Variants in NPHP4 observed in about 807,000 individuals in gnomAD.
NPHP4 encodes the protein nephrocystin-4.
In NPHP4, 151 loss-of-function variants were observed where a neutral mutation model predicts 155.8. The ratio of observed to expected loss-of-function variants is 0.97; its 90% confidence interval spans 0.85 to 1.11. NPHP4 has a LOEUF of 1.11. NPHP4 is among the 50% of genes least tolerant of loss of function. NPHP4 has a pLI of 0.00. For missense variants in NPHP4, 1,956 were observed against 1,925.7 expected (o/e 1.02, Z -0.29); for synonymous variants, 845 against 816.8 (o/e 1.03, Z -0.59).
At chr1:5,962,056 G>T in intron 5 of NPHP4, 107 bp from the exon 6 acceptor site, 3 of 817,076 alleles carry the variant, frequency 3.7e-6, no homozygotes, top group Non-Finnish European at 5.8e-6. Flanking sequence ...AACAGGAAAA[G>T]GACTTTTCTA....
At chr1:5,940,205 G>C (rs924714810) in intron 9 of NPHP4, among the ~76,000 whole-genome samples, 2 of 152,196 alleles carry the variant, frequency 1.3e-5, no homozygotes, top group Non-Finnish European at 2.9e-5. Context: ...TGAGGGTGGA[G>C]TGAATGGATG....
chr1:5,974,544 C>A (rs184235156), intron 3 of NPHP4, among the ~76,000 whole-genome samples: 1 of 152,102 alleles, frequency 6.6e-6, no homozygotes, highest in Admixed American at 6.5e-5. Context: ...ATGAATGATT[C>A]GCTGGCTCAG....
At chr1:5,914,969 C>A (rs1189502340) in intron 11 of NPHP4, among the ~76,000 whole-genome samples, 1 of 152,254 alleles carries the variant, frequency 6.6e-6, no homozygotes, top group African/African-American at 2.4e-5. Context: ...AGCTGTGCTG[C>A]CAGCCTGCCA....
intron 3 of NPHP4, among the ~76,000 whole-genome samples, chr1:5,969,523 G>A (rs903222420): frequency 3.9e-5 from 6 of 152,074 alleles, no homozygotes; most frequent in East Asian, 1.9e-4. Flanking sequence ...GTCTGCTTCC[G>A]CTCCAGGAAC....
chr1:5,894,334 G>T (rs1205583081), intron 16 of NPHP4, among the ~76,000 whole-genome samples: 1 of 151,964 alleles, frequency 6.6e-6, no homozygotes, highest in Non-Finnish European at 1.5e-5. Context: ...CATGCCTGTA[G>T]CCCCAGCTAC....
At chr1:5,977,557 C>A (rs958075713) in intron 3 of NPHP4, among the ~76,000 whole-genome samples, 1 of 151,884 alleles carries the variant, frequency 6.6e-6, no homozygotes, top group African/African-American at 2.4e-5. Flanking sequence ...CCGAAACAGT[C>A]TGCAGTTCTG....
intron 17 of NPHP4, chr1:5,888,381 C>T: frequency 5.5e-6 from 6 of 1,094,652 alleles, no homozygotes; most frequent in Non-Finnish European, 5.6e-6. Context: ...AGTGTGGGAG[C>T]AGATGAGGTT....
Position 5,890,027 on chromosome 1 carries a change from G to A in NPHP4, c.2304+841C>T, listed in dbSNP as rs1004485362. ...CTCCCATACCCCATCCCCCCACCCC[G>A]AGAGCACAGCGCAGCTGAAGGAGCA... On this transcript the variant is annotated intron_variant, in intron 17 of 29. Coordinates refer to ENST00000378156, the MANE Select transcript of NPHP4 (RefSeq NM_015102.5). This position sits in a 1 kb window ranked among gnomAD's most constrained non-coding sequence, Gnocchi z 4.9. Among the ~76,000 whole-genome samples the A allele has an allele frequency of 5.3e-5, 8 of 150,756 alleles. 1 individual carries two copies. Among genetic ancestry groups the A allele is most frequent in the Admixed American group, 2.0e-4 (3 of 15,172 alleles).
intron 11 of NPHP4, among the ~76,000 whole-genome samples, chr1:5,916,836 C>T (rs1214053625): frequency 2.0e-5 from 3 of 152,242 alleles, no homozygotes; most frequent in Non-Finnish European, 1.5e-5. Context: ...GGCGAAACCC[C>T]ATCTCTACTA....
At chr1:5,932,856 CGTGCACGCCACACAG>C (rs1646347482) in intron 10 of NPHP4, among the ~76,000 whole-genome samples, 1 of 152,144 alleles carries the variant, frequency 6.6e-6, no homozygotes, top group South Asian at 2.1e-4. Flanking sequence ...ATGCTCCAAA[CGTGCACGCCACACAG>C]GTGAATCTTG....
chr1:5,961,930 G>A lies in NPHP4; in HGVS notation c.537C>T (p.Leu179=). The A allele has an allele frequency of 3.7e-6, 6 of 1,604,692 alleles. No homozygotes were observed. The highest frequency in any genetic ancestry group is 5.1e-6 in the Non-Finnish European group (6 of 1,172,010). Reference sequence around the variant, plus strand: ...TGTACTGCAGGCTGCAGTTCTCAATGAGGGTCATGTGTCTGTTTTCTGGTG... The same window carrying A: ...TGTACTGCAGGCTGCAGTTCTCAATAAGGGTCATGTGTCTGTTTTCTGGTG... ...DPAEQNRHMT[L]IENCSLQYTL... Residue 179 remains leucine (L), a synonymous_variant, in exon 6 of 30, where the codon CTC becomes CTT. Transcript: ENST00000378156.
chr1:5,865,848 T>C, intron 26 of NPHP4: 1 of 181,206 alleles, frequency 5.5e-6, no homozygotes, highest in East Asian at 1.5e-4. Flanking sequence ...GGTTAGCCCC[T>C]GCCCCATCCT....
chr1:5,885,952 C>A (rs1643763973), intron 18 of NPHP4, among the ~76,000 whole-genome samples: 2 of 152,256 alleles, frequency 1.3e-5, no homozygotes. Context: ...GTCTCCCAGG[C>A]TGGCTATCTC....
rs199645515 is a variant in NPHP4 at position 5,874,979 on chromosome 1, G to A, written c.2939C>T (p.Thr980Met). The change falls in exon 21 of 30, where the codon ACG (threonine) becomes ATG (methionine). Residue 980 changes from threonine (T) to methionine (M), a missense_variant. Transcript: ENST00000378156. The stretch of plus-strand genomic sequence containing the variant: ...GGCGACCCCCAGCGTGGCGTGGAGC[G>A]TGTGCTCCGTGGTGATGGCCAGGCT... ...LLSLAITTEH[T>M]LHATLGVAEF... The A allele has an allele frequency of 6.1e-5, 99 of 1,612,530 alleles. 1 individual carries two copies. Among genetic ancestry groups the A allele is most frequent in the South Asian group, 2.0e-4 (18 of 91,084 alleles).
In NPHP4 at chr1:5,956,536, C is replaced by A. The variant is rs186751136; in HGVS notation, c.674-3700G>T. ...ATCCTCATTCAGCCGGCTTGGCAGG[C>A]CACATCTTGCAAGCATCATGGGCTC... On this transcript the variant is annotated intron_variant, in intron 6 of 29. Transcript: ENST00000378156. Among the ~76,000 whole-genome samples, 9 of 152,316 alleles carry A rather than the reference C, an allele frequency of 5.9e-5. No homozygotes were observed. In the East Asian group the frequency reaches 1.7e-3, roughly 29 times the overall value.
intron 23 of NPHP4, among the ~76,000 whole-genome samples, chr1:5,869,053 A>G (rs541551734): frequency 1.9e-4 from 26 of 137,042 alleles, no homozygotes; most frequent in African/African-American, 7.0e-4. Flanking sequence ...ATGCCCCCAC[A>G]CGCACACACA....
rs1204480232 is a variant in NPHP4 at position 5,867,040 on chromosome 1, G to A, written c.3548C>T (p.Thr1183Ile). 2 of 1,612,654 alleles carry A rather than the reference G, an allele frequency of 1.2e-6. No individual in the cohort carries two copies. The highest frequency in any genetic ancestry group is 8.5e-7 in the Non-Finnish European group (1 of 1,179,230). The change falls in exon 25 of 30, where the codon ACC becomes ATC. Residue 1183 changes from threonine to isoleucine, a missense_variant. By Grantham distance (89) the Thr-to-Ile change is moderately conservative. Transcript: ENST00000378156. The surrounding 1 kb of genome is among the most constrained non-coding windows in gnomAD (Gnocchi z 4.1). ...CACAACACAACCTACCACATTCTGG[G>A]TCTCACAGATGACGTTCGGGTCGCT... ...RCSDPNVICETQNVGPGEPRD... is the reference protein window; with the variant it reads ...RCSDPNVICEIQNVGPGEPRD...
intron 19 of NPHP4, among the ~76,000 whole-genome samples, chr1:5,879,195 A>G (rs942711875): frequency 2.0e-5 from 3 of 152,188 alleles, no homozygotes; most frequent in East Asian, 1.9e-4. Context: ...AACAAGCCAC[A>G]GCTCCAAGGC....
Position 5,948,156 on chromosome 1 carries a change from C to G in NPHP4, c.906G>C (p.Gln302His), listed in dbSNP as rs747094006. The part of the protein sequence containing the change: ...HNGLGFVQRP[Q>H]VVVLVPEMDV... Reference sequence around the variant, plus strand: ...CCATCTCAGGCACCAGTACAACGACCTGCGGCCTCTGCACGAAGCCCAGAC... The same window carrying G: ...CCATCTCAGGCACCAGTACAACGACGTGCGGCCTCTGCACGAAGCCCAGAC... Residue 302 changes from glutamine (Q) to histidine (H), a missense_variant, in exon 8 of 30, where the codon CAG becomes CAC. Coordinates refer to ENST00000378156, the MANE Select transcript of NPHP4 (RefSeq NM_015102.5). 2 of 1,613,516 alleles carry G rather than the reference C, an allele frequency of 1.2e-6. No individual in the cohort carries two copies. Among genetic ancestry groups the G allele is most frequent in the Non-Finnish European group, 1.7e-6 (2 of 1,179,850 alleles).
Sources: gnomAD v4.1 joint callset for allele counts (sites outside exome capture counted in the v4.1 genomes callset) on GRCh38, gnomAD v4.1.1 for gene constraint, Gnocchi (gnomAD v3.1) non-coding constraint, MANE v1.5 for transcripts, NCBI Gene and HGNC (gene_info 2026-07-23, HGNC 2026-07-21) for gene names.